Variants in CFAP119 observed in about 807,000 individuals in gnomAD.
CFAP119 encodes the protein cilia- and flagella-associated protein 119.
the CFAP119 span, chr16:30,759,285 C>T: frequency 9.3e-6 from 15 of 1,613,636 alleles, no homozygotes; most frequent in South Asian, 1.3e-4. Flanking sequence ...AAGGAGTGCA[C>T]CTGTGCTGAG....
At chr16:30,757,518 G>A in the CFAP119 span, 1 of 1,614,200 alleles carries the variant, frequency 6.2e-7, no homozygotes, top group Non-Finnish European at 8.5e-7. Flanking sequence ...GTAGCTGGAA[G>A]GGCCGCTCTA....
chr16:30,759,075 C>T, the CFAP119 span: 11 of 1,614,212 alleles, frequency 6.8e-6, no homozygotes, highest in Non-Finnish European at 8.5e-6. Context: ...ACTGCCTGCT[C>T]CTCCATCTCC....
the CFAP119 span, chr16:30,761,602 C>CT: frequency 6.5e-7 from 1 of 1,536,190 alleles, no homozygotes. Context: ...CCGTCGTCCA[C>CT]TGAGTCCGCA....
At chr16:30,761,997 A>G in the CFAP119 span, 61 of 543,848 alleles carry the variant, frequency 1.1e-4, no homozygotes, top group African/African-American at 1.2e-3. Context: ...GAGCGAAGAG[A>G]ACGCGCAGAT....
At chr16:30,760,410 G>C in the CFAP119 span, 2 of 1,614,170 alleles carry the variant, frequency 1.2e-6, no homozygotes, top group Non-Finnish European at 8.5e-7. Context: ...GCGTCCCTCA[G>C]GCTCTGCTCA....
At chr16:30,757,658 C>CAGGGGCAGGGAAGA in the CFAP119 span, 2 of 1,608,258 alleles carry the variant, frequency 1.2e-6, no homozygotes, top group Non-Finnish European at 1.7e-6. Flanking sequence ...ATGTGGCCTG[C>CAGGGGCAGGGAAGA]AGGGGCAGGG....
the CFAP119 span, chr16:30,761,536 C>T: frequency 6.5e-7 from 1 of 1,536,178 alleles, no homozygotes; most frequent in African/African-American, 1.4e-5. Context: ...CAGACTGTCC[C>T]GCCCTCACCG....
the CFAP119 span, chr16:30,760,430 A>G: frequency 6.2e-7 from 1 of 1,614,128 alleles, no homozygotes; most frequent in South Asian, 1.1e-5. Context: ...AGGACACCCT[A>G]GCTCCAGCAG....
At chr16:30,759,503 C>G in the CFAP119 span, 1 of 1,614,044 alleles carries the variant, frequency 6.2e-7, no homozygotes, top group African/African-American at 1.3e-5. Flanking sequence ...CCTTCCGGAG[C>G]CCTGGCTTTG....
At chr16:30,760,588 G>C in the CFAP119 span, 5 of 1,560,832 alleles carry the variant, frequency 3.2e-6, no homozygotes, top group Admixed American at 9.6e-5. Context: ...CTCTTCCCAC[G>C]CCCCCCTCAG....
the CFAP119 span, chr16:30,760,621 TTGG>T: frequency 1.9e-6 from 3 of 1,557,442 alleles, no homozygotes; most frequent in Non-Finnish European, 2.6e-6. Context: ...CATCTCAGCA[TTGG>T]TGGTCTTCTC....
the CFAP119 span, chr16:30,757,735 G>A: frequency 6.7e-7 from 1 of 1,503,326 alleles, no homozygotes; most frequent in Non-Finnish European, 8.9e-7. Context: ...TGGGCAAACA[G>A]TCCCCAAATT....
chr16:30,760,311 G>A, the CFAP119 span: 2 of 1,614,172 alleles, frequency 1.2e-6, no homozygotes, highest in South Asian at 2.2e-5. Flanking sequence ...AGATCCTGGA[G>A]CAGGGCACAA....
chr16:30,760,999 C>T, the CFAP119 span: 1 of 638,060 alleles, frequency 1.6e-6, no homozygotes, highest in Admixed American at 2.9e-5. Flanking sequence ...TACATTCTGT[C>T]TTTGGCTCTT....
At chr16:30,759,449 A>C in the CFAP119 span, 651 of 1,614,234 alleles carry the variant, frequency 4.0e-4, 2 homozygotes, top group African/African-American at 7.6e-3. Flanking sequence ...TCGATGCTGA[A>C]AGGAGGCCGC....
chr16:30,757,700 T>C, the CFAP119 span: 4 of 1,564,064 alleles, frequency 2.6e-6, no homozygotes, highest in Non-Finnish European at 2.6e-6. Context: ...AGATGCTGTC[T>C]GGCAATGGGG....
At chr16:30,758,901 G>C in the CFAP119 span, 4 of 1,514,412 alleles carry the variant, frequency 2.6e-6, no homozygotes, top group Admixed American at 6.4e-5. Context: ...GGATCATTTA[G>C]AGAAAGGACT....
chr16:30,761,174 T>G, the CFAP119 span: 1 of 1,612,892 alleles, frequency 6.2e-7, no homozygotes, highest in Non-Finnish European at 8.5e-7. Flanking sequence ...ATATTCAGTG[T>G]AATTTTTGTC....
the CFAP119 span, chr16:30,761,683 G>T: frequency 6.5e-7 from 1 of 1,535,804 alleles, no homozygotes; most frequent in Non-Finnish European, 8.7e-7. Context: ...GCCGCAGCTC[G>T]GAGAGATGTT....
Sources: gnomAD v4.1 joint callset for allele counts on GRCh38, gnomAD v4.1.1 for gene constraint, MANE v1.5 for transcripts, NCBI Gene and HGNC (gene_info 2026-07-23, HGNC 2026-07-21) for gene names.